Variants in RRP1B observed in about 807,000 individuals in gnomAD.
The protein encoded by RRP1B is ribosomal RNA processing protein 1 homolog B.
Under a neutral mutation model 80.2 loss-of-function variants are expected in RRP1B, and 56 were observed. That is an observed-to-expected ratio of 0.70 (90% confidence interval 0.56 to 0.87). The LOEUF (loss-of-function observed/expected upper bound fraction) is 0.87. Ranked by LOEUF, RRP1B falls within the 40% of genes least tolerant of loss-of-function variation. RRP1B has a pLI of 0.00. For missense variants in RRP1B, 807 were observed against 939.8 expected, an observed-to-expected ratio of 0.86 and a Z score of 1.85; for synonymous variants, 351 against 357.6, an observed-to-expected ratio of 0.98 and a Z score of 0.21.
chr21:43,695,708 T>A lies in RRP1B; in HGVS notation c.*2325T>A, dbSNP rs1218502333. 2 of 152,226 alleles carry A rather than the reference T, an allele frequency of 1.3e-5. No homozygotes were observed. Among genetic ancestry groups the A allele is most frequent in the Non-Finnish European group, 2.9e-5 (2 of 68,042 alleles). 9.4% of individuals were successfully genotyped at this position (152,226 alleles called of 1,614,324 possible). On this transcript the variant is annotated 3_prime_UTR_variant, in exon 16 of 16. Transcript: ENST00000340648. ...TAAAATTGCCAAGTGGACTTGGAAG[T>A]CCAGAAAGGAAAATAATTTAAATTA...
intron 14 of RRP1B, among the ~76,000 whole-genome samples, chr21:43,690,940 C>A (rs2083083839): frequency 6.6e-6 from 1 of 152,162 alleles, no homozygotes; most frequent in African/African-American, 2.4e-5. Flanking sequence ...ACTGTGTGTC[C>A]ATTGTCCATT....
Position 43,693,517 on chromosome 21 carries a change from C to A in RRP1B, c.*134C>A. The stretch of plus-strand genomic sequence containing the variant: ...GTGTGCACGAGGTTCTGAGAGTGCC[C>A]GCAGGCTGCTGCGTCCTGGCCCCTC... On this transcript the variant is annotated 3_prime_UTR_variant, in exon 16 of 16. Coordinates refer to ENST00000340648, the MANE Select transcript of RRP1B (RefSeq NM_015056.3). This position sits in a 1 kb window ranked among gnomAD's most constrained non-coding sequence, Gnocchi z 4.1. The A allele has an allele frequency of 1.1e-6, 1 of 873,332 alleles. No homozygotes were observed. The allele number at this position is 873,332 out of a possible 1,614,324, so 54.1% of individuals were successfully genotyped here.
intron 9 of RRP1B, 53 bp downstream of exon 9, chr21:43,683,426 T>C: frequency 7.0e-7 from 1 of 1,423,840 alleles, no homozygotes; most frequent in Non-Finnish European, 9.9e-7. Flanking sequence ...TGGAGTAGCC[T>C]GACTAGAGAA....
At position 43,682,820 on chromosome 21, in the gene RRP1B, G is replaced by A. The variant is rs8129636; in HGVS notation, c.797-459G>A. ...TTCCCATAGCCTGAACAATCAAAAT[G>A]TCCTGGGAAATTATAAATGGCTTTG... On this transcript the variant is annotated intron_variant, in intron 8 of 15. Coordinates refer to ENST00000340648, the MANE Select transcript of RRP1B (RefSeq NM_015056.3). Among the ~76,000 whole-genome samples, 224 of 152,294 alleles carry A rather than the reference G, an allele frequency of 1.5e-3. 2 individuals carry two copies. Among genetic ancestry groups the A allele is most frequent in the African/African-American group, 5.1e-3 (214 of 41,570 alleles).
chr21:43,678,656 T>A (rs894704678), intron 8 of RRP1B, among the ~76,000 whole-genome samples: 1 of 152,214 alleles, frequency 6.6e-6, no homozygotes, highest in Admixed American at 6.5e-5. Context: ...TTTGAGTTCC[T>A]TGTAGATTCT....
At chr21:43,674,154 T>C (rs1240950668) in intron 4 of RRP1B, among the ~76,000 whole-genome samples, 199 bp downstream of exon 4, 3 of 152,226 alleles carry the variant, frequency 2.0e-5, no homozygotes, top group African/African-American at 7.2e-5. Flanking sequence ...CATTAGTGAA[T>C]ACGTTGGGTA....
rs1452872498 is a variant in RRP1B, at chr21:43,691,616, A to G, written c.2083+114A>G. 2.7e-6 allele frequency: 2 copies of G among 751,838 alleles called. No homozygotes were observed. Among genetic ancestry groups the G allele is most frequent in the South Asian group, 1.6e-5 (1 of 62,044 alleles). The allele number at this position is 751,838 out of a possible 1,614,324, so 46.6% of individuals were successfully genotyped here. A position where few individuals can be genotyped will look rare whatever the true frequency, so the allele number is the denominator to read the frequency against. Reference sequence around the variant, plus strand: ...GGGAAGAGGGGGGTCCTAGCTCCTCACTGCCCATTTCTTTATTTTTATTTT... The same window carrying G: ...GGGAAGAGGGGGGTCCTAGCTCCTCGCTGCCCATTTCTTTATTTTTATTTT... On this transcript the variant is annotated intron_variant, in intron 15 of 15. Transcript: ENST00000340648. This position sits in a 1 kb window ranked among gnomAD's most constrained non-coding sequence, Gnocchi z 4.2.
chr21:43,678,454 C>T (rs954722784), intron 8 of RRP1B, among the ~76,000 whole-genome samples: 4 of 152,144 alleles, frequency 2.6e-5, no homozygotes, highest in Non-Finnish European at 4.4e-5. Context: ...CCACCGCGCC[C>T]GGCCACCAAC....
chr21:43,673,831 T>C (rs1412069066), intron 3 of RRP1B, 39 bp from the exon 4 acceptor site: 1 of 1,350,500 alleles, frequency 7.4e-7, no homozygotes. Flanking sequence ...AGTATGTTGA[T>C]GTGGAAGCCA....
rs775839277 is a variant in RRP1B, at chr21:43,688,073, C to T, written c.1699C>T (p.Arg567Cys). 1.2e-5 allele frequency: 19 copies of T among 1,612,010 alleles called. No individual in the cohort carries two copies. Among genetic ancestry groups the T allele is most frequent in the East Asian group, 6.7e-5 (3 of 44,862 alleles). ...GANSHTTLPQ[R>C]RRLQKKKAGP... ...GAACAGCCACACCACGCTGCCCCAG[C>T]GCAGGAGGCTGCAGAAAAAGAAGGC... is the stretch of plus-strand genomic sequence containing the variant. Residue 567 changes from arginine (R) to cysteine (C), a missense_variant, in exon 13 of 16, where the codon CGC becomes TGC. Arg to Cys is a radical substitution (Grantham distance 180). Coordinates refer to ENST00000340648, the MANE Select transcript of RRP1B (RefSeq NM_015056.3).
intron 10 of RRP1B, 42 bp from the exon 11 acceptor site, chr21:43,685,728 T>G (rs753683410): frequency 4.4e-6 from 6 of 1,359,038 alleles, no homozygotes; most frequent in Non-Finnish European, 5.9e-6. Context: ...TATGAACATT[T>G]GTTATTTTTT....
Position 43,694,810 on chromosome 21 carries a change from G to A in RRP1B, c.*1427G>A, listed in dbSNP as rs1307826404. On this transcript the variant is annotated 3_prime_UTR_variant, in exon 16 of 16. Coordinates refer to ENST00000340648, the MANE Select transcript of RRP1B (RefSeq NM_015056.3). ...CTATGGCTTTGGACAACGTGGCTTCGGCCCCTGGGGTTGCAGAGCTTGCAT... is the reference window on the plus strand; with the variant it reads ...CTATGGCTTTGGACAACGTGGCTTCAGCCCCTGGGGTTGCAGAGCTTGCAT... The A allele has an allele frequency of 6.6e-6, 1 of 152,240 alleles. No individual in the cohort carries two copies. Among genetic ancestry groups the A allele is most frequent in the Non-Finnish European group, 1.5e-5 (1 of 68,086 alleles). 9.4% of individuals were successfully genotyped at this position (152,240 alleles called of 1,614,324 possible). A position where few individuals can be genotyped will look rare whatever the true frequency, so the allele number is the denominator to read the frequency against.
In RRP1B at chr21:43,687,534, T is replaced by A; in HGVS notation, c.1160T>A (p.Val387Glu). 6.7e-7 allele frequency: 1 copy of A among 1,492,140 alleles called. No homozygotes were observed. Among genetic ancestry groups the A allele is most frequent in the East Asian group, 2.3e-5 (1 of 43,880 alleles). 92.4% of individuals were successfully genotyped at this position (1,492,140 alleles called of 1,614,324 possible). The change falls in exon 13 of 16, where the codon GTA becomes GAA. Residue 387 changes from valine (V) to glutamate (E), a missense_variant. Transcript: ENST00000340648. ...TTTTTAGGAAGCAGAGTCTTTTGTG[T>A]AGAGGAAGAGGACAGTGAAAGCAGT... ...EKEKGSRVFC[V>E]EEEDSESSLQ...
Position 43,683,310 on chromosome 21 carries a change from A to G in RRP1B, c.828A>G (p.Gly276=). 1 of 1,614,178 alleles carries G rather than the reference A, an allele frequency of 6.2e-7. No individual in the cohort carries two copies. Among genetic ancestry groups the G allele is most frequent in the Non-Finnish European group, 8.5e-7 (1 of 1,180,012 alleles). Residue 276 remains glycine, a synonymous_variant, in exon 9 of 16, where the codon GGA becomes GGG. Transcript: ENST00000340648. ...ALGKNHSRKD[G]LSDERGRDDC... is the part of the protein sequence containing the mutation. ...GCAAAAACCATTCCAGAAAAGATGG[A>G]CTCAGTGATGAAAGAGGAAGAGATG...
chr21:43,680,574 AAAG>A (rs1333293280), intron 8 of RRP1B, among the ~76,000 whole-genome samples: 1 of 151,918 alleles, frequency 6.6e-6, no homozygotes, highest in Non-Finnish European at 1.5e-5. Context: ...AAAAAAAAAA[AAAG>A]AGAGACAGTG....
intron 3 of RRP1B, 45 bp from the exon 4 acceptor site, chr21:43,673,825 T>A (rs768042063): frequency 1.6e-6 from 2 of 1,229,002 alleles, no homozygotes; most frequent in Non-Finnish European, 2.4e-6. Context: ...TATGGTAGTA[T>A]GTTGATGTGG....
Position 43,674,586 on chromosome 21 carries a change from CTTTTTTTTTT to C in RRP1B, c.358-33_358-24del, listed in dbSNP as rs33994751. ...AGCTGATTAATATTTCTTACCTTTCCTTTTTTTTTTTTTTTTTTTTTTTTTTAAACAAAAA... is the reference window on the plus strand; with the variant it reads ...AGCTGATTAATATTTCTTACCTTTCCTTTTTTTTTTTTTTTTAAACAAAAA... On this transcript the variant is annotated intron_variant, in intron 4 of 15. Coordinates refer to ENST00000340648, the MANE Select transcript of RRP1B (RefSeq NM_015056.3). The C allele has an allele frequency of 1.6e-4, 61 of 392,702 alleles. 1 individual carries two copies. The highest frequency in any genetic ancestry group is 1.2e-3 in the Admixed American group (15 of 12,868). The allele number at this position is 392,702 out of a possible 1,614,324, so 24.3% of individuals were successfully genotyped here. A position where few individuals can be genotyped will look rare whatever the true frequency, so the allele number is the denominator to read the frequency against.
intron 2 of RRP1B, among the ~76,000 whole-genome samples, chr21:43,671,464 C>T (rs1389127035): frequency 6.6e-6 from 1 of 150,798 alleles, no homozygotes; most frequent in East Asian, 1.9e-4. Context: ...CTCCCTATTG[C>T]TCAGCTGATC....
chr21:43,685,638 G>A (rs756074832), intron 10 of RRP1B, 132 bp from the exon 11 acceptor site: 6 of 611,936 alleles, frequency 9.8e-6, no homozygotes, highest in African/African-American at 1.9e-5. Flanking sequence ...GGAGGAGAAC[G>A]TGAATTAACA....
Sources: allele counts gnomAD v4.1 joint callset (sites outside exome capture counted in the v4.1 genomes callset), GRCh38; gene constraint gnomAD v4.1.1; non-coding constraint Gnocchi (gnomAD v3.1); transcripts MANE v1.5; gene names NCBI Gene and HGNC (gene_info 2026-07-23, HGNC 2026-07-21).